The following NFIA variants were observed in gnomAD, a reference collection of about 807,000 sequenced individuals.
The protein encoded by NFIA is nuclear factor I A, also known as nuclear factor 1 A-type.
NFIA carries 8 observed loss-of-function variants against 62.8 expected under a neutral mutation model. That is an observed-to-expected ratio of 0.13 (90% CI 0.07 to 0.23). The LOEUF (loss-of-function observed/expected upper bound fraction) is 0.23, where lower values mean the gene tolerates loss of function less well. NFIA is among the 10% of genes least tolerant of loss of function. NFIA has a pLI of 1.00. For synonymous variants in NFIA, 235 were observed against 238.1 expected, an observed-to-expected ratio of 0.99 and a Z score of 0.12; for missense variants, 410 against 642.1, an observed-to-expected ratio of 0.64 and a Z score of 3.91.
At chr1:61,237,601 A>T (rs895006064) in intron 2 of NFIA, among the ~76,000 whole-genome samples, 5 of 152,206 alleles carry the variant, frequency 3.3e-5, no homozygotes, top group African/African-American at 1.2e-4. Flanking sequence ...TCAACAGGAG[A>T]TAAGCCCTTT....
At chr1:61,242,307 G>A (rs557110362) in intron 2 of NFIA, among the ~76,000 whole-genome samples, 2 of 152,238 alleles carry the variant, frequency 1.3e-5, no homozygotes, top group African/African-American at 4.8e-5. Context: ...GATAGGTGGA[G>A]CATACTACTT....
intron 2 of NFIA, among the ~76,000 whole-genome samples, chr1:61,108,159 G>A (rs776352062): frequency 2.0e-5 from 3 of 151,280 alleles, no homozygotes; most frequent in South Asian, 2.1e-4. Context: ...GCATTACTTT[G>A]TCAAGTTTTG....
rs553949850 is a variant in NFIA at position 61,222,859 on chromosome 1, T to C, written c.560-54661T>C. 1.1e-3 allele frequency among the ~76,000 whole-genome samples: 167 copies of C among 152,198 alleles called. 1 individual carries two copies. The Middle Eastern group carries it at 0.017, about 15-fold the overall frequency. Reference sequence around the variant, plus strand: ...AAGTCTGGTATTTCCTTTATAAATATACTTTTCATGTGCAGTTTTATACAA... The same window carrying C: ...AAGTCTGGTATTTCCTTTATAAATACACTTTTCATGTGCAGTTTTATACAA... On this transcript the variant is annotated intron_variant, in intron 2 of 10. Coordinates refer to ENST00000403491, the MANE Select transcript of NFIA (RefSeq NM_001134673.4).
At chr1:61,142,966 C>A (rs149297786) in intron 2 of NFIA, among the ~76,000 whole-genome samples, 1 of 152,224 alleles carries the variant, frequency 6.6e-6, no homozygotes, top group South Asian at 2.1e-4. Context: ...GGCCCAAGAG[C>A]GAGTAGGATT....
At chr1:61,290,831 G>A (rs1658834748) in intron 3 of NFIA, among the ~76,000 whole-genome samples, 1 of 151,604 alleles carries the variant, frequency 6.6e-6, no homozygotes, top group Non-Finnish European at 1.5e-5. Context: ...CTTAAATTAT[G>A]CATTTTTTCC....
intron 2 of NFIA, among the ~76,000 whole-genome samples, chr1:61,225,875 T>C (rs904622448): frequency 2.6e-5 from 4 of 152,168 alleles, no homozygotes; most frequent in Non-Finnish European, 4.4e-5. Context: ...CCGAGTAGAC[T>C]ATAATAATTC....
chr1:61,448,072 C>G (rs902848188), intron 10 of NFIA, among the ~76,000 whole-genome samples: 4 of 152,126 alleles, frequency 2.6e-5, no homozygotes, highest in African/African-American at 9.7e-5. Flanking sequence ...TAAGAAGTCT[C>G]TGATCTATGT....
At chr1:61,280,953 C>T (rs1658091818) in intron 3 of NFIA, among the ~76,000 whole-genome samples, 1 of 152,064 alleles carries the variant, frequency 6.6e-6, no homozygotes, top group African/African-American at 2.4e-5. Flanking sequence ...AACAGAAATA[C>T]TAAAAGGAGG....
intron 3 of NFIA, among the ~76,000 whole-genome samples, chr1:61,318,362 A>G (rs1433258545): frequency 2.0e-5 from 3 of 152,160 alleles, no homozygotes; most frequent in Non-Finnish European, 4.4e-5. Flanking sequence ...GCAAGCTGAC[A>G]CTTTGAGGGA....
chr1:61,432,312 T>C (rs534478712), intron 10 of NFIA, among the ~76,000 whole-genome samples: 1 of 150,848 alleles, frequency 6.6e-6, no homozygotes, highest in Non-Finnish European at 1.5e-5. Context: ...CTGGACCAGA[T>C]AAAATTAGAC....
At chr1:61,383,207 G>C (rs1164400349) in intron 6 of NFIA, 30 bp from the exon 7 acceptor site, 2 of 1,612,058 alleles carry the variant, frequency 1.2e-6, no homozygotes, top group African/African-American at 2.7e-5. Flanking sequence ...ATGAATTAAA[G>C]TGTACTTACC....
At chr1:61,340,640 G>A (rs527249909) in intron 4 of NFIA, among the ~76,000 whole-genome samples, 3 of 152,176 alleles carry the variant, frequency 2.0e-5, no homozygotes, top group Non-Finnish European at 2.9e-5. Flanking sequence ...GCCCCTGATC[G>A]TTCTTCACTG....
chr1:61,422,140 G>A (rs1346222298), intron 9 of NFIA, among the ~76,000 whole-genome samples: 1 of 152,072 alleles, frequency 6.6e-6, no homozygotes, highest in Non-Finnish European at 1.5e-5. Flanking sequence ...GCACGTGTCT[G>A]TAGTCCCAGC....
At chr1:61,435,715 G>A (rs567613223) in intron 10 of NFIA, among the ~76,000 whole-genome samples, 81 of 152,252 alleles carry the variant, frequency 5.3e-4, no homozygotes, top group Admixed American at 2.6e-3. Flanking sequence ...TATCTTGATT[G>A]GCTCAAATCA....
At chr1:61,191,968 G>GT (rs5774543) in intron 2 of NFIA, among the ~76,000 whole-genome samples, 41 of 151,214 alleles carry the variant, frequency 2.7e-4, no homozygotes, top group Middle Eastern at 3.4e-3. Flanking sequence ...TTTGTTTTTT[G>GT]TTTTTTTTTG....
intron 3 of NFIA, among the ~76,000 whole-genome samples, chr1:61,286,509 A>T (rs1200486871): frequency 6.6e-6 from 1 of 152,174 alleles, no homozygotes; most frequent in East Asian, 1.9e-4. Context: ...GATAGAGCAG[A>T]CATCCTGCTC....
intron 3 of NFIA, among the ~76,000 whole-genome samples, chr1:61,300,363 A>G (rs754762556): frequency 6.6e-6 from 1 of 152,130 alleles, no homozygotes; most frequent in Non-Finnish European, 1.5e-5. Context: ...AAGCATATTG[A>G]ATTTTTAAAA....
intron 2 of NFIA, among the ~76,000 whole-genome samples, chr1:61,192,957 G>A (rs1033260795): frequency 6.6e-6 from 1 of 152,114 alleles, no homozygotes; most frequent in Non-Finnish European, 1.5e-5. Context: ...TGCTTACCTG[G>A]CCCTAGCTTA....
At chr1:61,118,191 C>CAAAAAAAAAAAA (rs10719154) in intron 2 of NFIA, among the ~76,000 whole-genome samples, 8 of 131,278 alleles carry the variant, frequency 6.1e-5, no homozygotes, top group Non-Finnish European at 9.7e-5. Context: ...TCTCAAAGAA[C>CAAAAAAAAAAAA]AAAAAAAAAA....
Sources: gnomAD v4.1 joint callset for allele counts (sites outside exome capture counted in the v4.1 genomes callset) on GRCh38, gnomAD v4.1.1 for gene constraint, MANE v1.5 for transcripts, NCBI Gene and HGNC (gene_info 2026-07-23, HGNC 2026-07-21) for gene names.